SUPT3H: variants seen among roughly 807,000 people sequenced by gnomAD.
SUPT3H encodes transcription initiation protein SPT3 homolog.
A neutral mutation model predicts 44.3 loss-of-function variants in SUPT3H; 44 were observed. That is an observed-to-expected ratio of 0.99 (90% CI 0.78 to 1.28). The LOEUF (loss-of-function observed/expected upper bound fraction) is 1.28. SUPT3H is among the 50% of genes most tolerant of loss of function. SUPT3H has a pLI of 0.00. For missense variants in SUPT3H, 380 were observed against 387.1 expected (o/e 0.98, Z 0.15); for synonymous variants, 124 against 125.6 (o/e 0.99, Z 0.09).
intron 2 of SUPT3H, among the ~76,000 whole-genome samples, chr6:45,343,860 C>T (rs1276745140): frequency 4.6e-5 from 7 of 152,106 alleles, no homozygotes; most frequent in Non-Finnish European, 8.8e-5. Flanking sequence ...TAAAATCATG[C>T]TTTTAATAAC....
intron 3 of SUPT3H, among the ~76,000 whole-genome samples, chr6:45,081,912 T>C (rs1795868342): frequency 6.6e-6 from 1 of 152,062 alleles, no homozygotes; most frequent in Non-Finnish European, 1.5e-5. Flanking sequence ...CTCAGTTACA[T>C]GAAAATGCAA....
intron 6 of SUPT3H, among the ~76,000 whole-genome samples, chr6:44,988,541 AAAT>A (rs1448978653): frequency 2.1e-5 from 3 of 139,658 alleles, no homozygotes; most frequent in African/African-American, 2.5e-5. Flanking sequence ...AAAAAAAAAA[AAAT>A]TTATGGGCTA....
chr6:45,273,446 T>C (rs1776527686), intron 2 of SUPT3H, among the ~76,000 whole-genome samples: 1 of 152,196 alleles, frequency 6.6e-6, no homozygotes, highest in Non-Finnish European at 1.5e-5. Flanking sequence ...TTGCTTCAAC[T>C]TGGGCAGAAT....
intron 10 of SUPT3H, among the ~76,000 whole-genome samples, chr6:44,884,243 A>G (rs1205904249): frequency 6.6e-6 from 1 of 152,326 alleles, no homozygotes; most frequent in East Asian, 1.9e-4. Flanking sequence ...GCGGCCAACA[A>G]ACGTGAAAAA....
intron 3 of SUPT3H, among the ~76,000 whole-genome samples, chr6:45,026,491 G>C (rs1351467161): frequency 6.6e-6 from 1 of 152,022 alleles, no homozygotes; most frequent in African/African-American, 2.4e-5. Flanking sequence ...ATTTGTGCCA[G>C]GTGCTGTGCT....
At chr6:45,280,823 A>T (rs1351418357) in intron 2 of SUPT3H, among the ~76,000 whole-genome samples, 1 of 143,336 alleles carries the variant, frequency 7.0e-6, no homozygotes, top group Non-Finnish European at 1.5e-5. Flanking sequence ...TATTTCTCCT[A>T]TTTAAAAATA....
downstream of SUPT3H, among the ~76,000 whole-genome samples, chr6:44,821,889 T>C (rs1767346903): frequency 6.6e-6 from 1 of 152,192 alleles, no homozygotes; most frequent in Admixed American, 6.6e-5. Context: ...TTTATTGAGC[T>C]TGAGAATCAC....
intron 2 of SUPT3H, among the ~76,000 whole-genome samples, chr6:45,154,333 TA>T (rs551921775): frequency 5.3e-5 from 8 of 151,464 alleles, no homozygotes; most frequent in Non-Finnish European, 8.8e-5. Flanking sequence ...ACTGAACAAT[TA>T]AAAAAAAGAA....
At chr6:45,241,254 C>T (rs1348817253) in intron 2 of SUPT3H, among the ~76,000 whole-genome samples, 3 of 152,042 alleles carry the variant, frequency 2.0e-5, no homozygotes, top group Non-Finnish European at 4.4e-5. Context: ...TGGCCATAAA[C>T]AAAATCTCTG....
chr6:45,171,722 T>C (rs1008476401), intron 2 of SUPT3H, among the ~76,000 whole-genome samples: 4 of 139,088 alleles, frequency 2.9e-5, no homozygotes, highest in African/African-American at 1.1e-4. Context: ...GCTTTTTTTT[T>C]TTTTTTTTTT....
chr6:45,281,617 G>A (rs1159451046), intron 2 of SUPT3H, among the ~76,000 whole-genome samples: 2 of 152,188 alleles, frequency 1.3e-5, no homozygotes, highest in African/African-American at 4.8e-5. Context: ...ATGGAGCCCA[G>A]CACAGCTCAA....
chr6:45,336,112 T>C (rs1239262796), intron 2 of SUPT3H, among the ~76,000 whole-genome samples: 1 of 151,344 alleles, frequency 6.6e-6, no homozygotes, highest in Non-Finnish European at 1.5e-5. Context: ...CACCCAGAAT[T>C]CTTCTATTCT....
chr6:44,866,574 T>C (rs1011563760), intron 10 of SUPT3H, among the ~76,000 whole-genome samples: 2 of 152,036 alleles, frequency 1.3e-5, no homozygotes, highest in African/African-American at 4.8e-5. Flanking sequence ...TACAAGCAAC[T>C]CCTTCTAGTG....
chr6:45,154,087 A>AAAACAAAAAAAC (rs70996303), intron 2 of SUPT3H, among the ~76,000 whole-genome samples: 8 of 114,596 alleles, frequency 7.0e-5, no homozygotes, highest in Admixed American at 9.9e-5. Flanking sequence ...AAAAAAAAAA[A>AAAACAAAAAAAC]AGCGCTTAGT....
intron 10 of SUPT3H, among the ~76,000 whole-genome samples, chr6:44,892,629 TTTG>T (rs1254789541): frequency 6.6e-6 from 1 of 152,184 alleles, no homozygotes; most frequent in Admixed American, 6.5e-5. Flanking sequence ...ACATGCAGAA[TTTG>T]AATGATGGAA....
intron 2 of SUPT3H, among the ~76,000 whole-genome samples, chr6:45,144,097 A>G (rs1805656667): frequency 6.6e-6 from 1 of 152,154 alleles, no homozygotes; most frequent in South Asian, 2.1e-4. Flanking sequence ...ATGGATTCAC[A>G]GCTGAATTCT....
At chr6:44,876,498 T>A in intron 10 of SUPT3H, among the ~76,000 whole-genome samples, 1 of 108,272 alleles carries the variant, frequency 9.2e-6, no homozygotes. Flanking sequence ...CTCTGTGGAC[T>A]GTGGTGGGGT....
intron 2 of SUPT3H, among the ~76,000 whole-genome samples, chr6:45,235,262 CT>C: frequency 6.6e-6 from 1 of 152,102 alleles, no homozygotes; most frequent in East Asian, 1.9e-4. Context: ...CTTATAAACA[CT>C]TATGAATAAT....
intron 2 of SUPT3H, among the ~76,000 whole-genome samples, chr6:45,309,306 A>T (rs1230182870): frequency 1.3e-5 from 2 of 151,060 alleles, no homozygotes; most frequent in African/African-American, 2.5e-5. Context: ...AAAACCTAAT[A>T]GATTGAAATT....
Sources: allele counts gnomAD v4.1 joint callset (sites outside exome capture counted in the v4.1 genomes callset), GRCh38; gene constraint gnomAD v4.1.1; transcripts MANE v1.5; gene names NCBI Gene and HGNC (gene_info 2026-07-23, HGNC 2026-07-21).